Variants in CR1 observed in about 807,000 individuals in gnomAD.
CR1 encodes complement receptor type 1.
In CR1, 116 loss-of-function variants were observed where a neutral mutation model predicts 187.3. The ratio of observed to expected loss-of-function variants is 0.62; its 90% confidence interval spans 0.53 to 0.72. The LOEUF is 0.72. CR1 is among the 30% of genes least tolerant of loss of function. The pLI, the probability that CR1 is intolerant of heterozygous loss-of-function variation, is 0.00. For synonymous variants in CR1, 576 were observed against 747.1 expected, an observed-to-expected ratio of 0.77 and a Z score of 3.73; for missense variants, 1,731 against 2,110.7, an observed-to-expected ratio of 0.82 and a Z score of 3.52.
intron 4 of CR1, among the ~76,000 whole-genome samples, chr1:207,513,246 A>G (rs983244342): frequency 1.3e-5 from 2 of 152,204 alleles, no homozygotes; most frequent in Admixed American, 1.3e-4. Context: ...CAGCTCAAAT[A>G]TGCATTACAA....
At chr1:207,586,984 G>A (rs971107395) in intron 33 of CR1, among the ~76,000 whole-genome samples, 5 of 152,156 alleles carry the variant, frequency 3.3e-5, no homozygotes, top group African/African-American at 1.2e-4. Flanking sequence ...AGCTTATGAT[G>A]GGCACCCTGA....
intron 4 of CR1, among the ~76,000 whole-genome samples, chr1:207,518,578 A>G (rs1659874970): frequency 1.3e-5 from 2 of 152,218 alleles, no homozygotes; most frequent in Admixed American, 6.5e-5. Flanking sequence ...TAAGATGTCA[A>G]TAGGATTGGT....
intron 32 of CR1, among the ~76,000 whole-genome samples, 191 bp downstream of exon 32, chr1:207,582,194 TC>T (rs1450234793): frequency 2.6e-5 from 4 of 152,216 alleles, no homozygotes; most frequent in Admixed American, 2.0e-4. Flanking sequence ...TTGGGTACCA[TC>T]CTATAAATAT....
chr1:207,617,692 CTTTG>C (rs1662190372), intron 41 of CR1, among the ~76,000 whole-genome samples: 1 of 42,730 alleles, frequency 2.3e-5, no homozygotes, highest in Admixed American at 3.4e-4. Context: ...TAGCTCATTC[CTTTG>C]ATATATTAGT....
At position 207,639,957 on chromosome 1, in the gene CR1, T is replaced by C. The variant is rs1662931925; in HGVS notation, c.*548T>C. 1 of 152,822 alleles carries C rather than the reference T, an allele frequency of 6.5e-6. No homozygotes were observed. The highest frequency in any genetic ancestry group is 2.1e-4 in the South Asian group (1 of 4,864). The allele number at this position is 152,822 out of a possible 1,614,324, so 9.5% of individuals were successfully genotyped here. A position where few individuals can be genotyped will look rare whatever the true frequency, so the allele number is the denominator to read the frequency against. ...CCTTAGTTTGTTTCCTTTTATTTTA[T>C]AGAGCAGAACCCTAGTCTTTTAAAC... On this transcript the variant is annotated 3_prime_UTR_variant, in exon 47 of 47. Coordinates refer to ENST00000367049, the MANE Select transcript of CR1 (RefSeq NM_000651.6).
intron 36 of CR1, among the ~76,000 whole-genome samples, chr1:207,607,663 G>A (rs550931497): frequency 3.3e-5 from 5 of 152,192 alleles, no homozygotes; most frequent in Admixed American, 6.5e-5. Context: ...TATCTATCAG[G>A]TTACAATTCC....
intron 1 of CR1, among the ~76,000 whole-genome samples, chr1:207,498,594 G>A (rs1659161278): frequency 6.6e-6 from 1 of 152,072 alleles, no homozygotes; most frequent in Non-Finnish European, 1.5e-5. Context: ...AAACAATAAA[G>A]ATGGCTGGGG....
chr1:207,510,988 T>C (rs555461996), intron 3 of CR1, among the ~76,000 whole-genome samples: 2 of 151,940 alleles, frequency 1.3e-5, no homozygotes, highest in East Asian at 3.9e-4. Context: ...CGCCTGGCTT[T>C]TTTATAAATT....
chr1:207,621,675 T>A (rs1351897404), intron 43 of CR1, among the ~76,000 whole-genome samples: 1 of 152,212 alleles, frequency 6.6e-6, no homozygotes, highest in Non-Finnish European at 1.5e-5. Flanking sequence ...TAAGGAAATG[T>A]ACCAGAACAG....
chr1:207,624,135 AG>A (rs2102407050), intron 45 of CR1, among the ~76,000 whole-genome samples: 1 of 152,022 alleles, frequency 6.6e-6, no homozygotes, highest in East Asian at 1.9e-4. Context: ...CATCTTGGCC[AG>A]GCTGGTCTTG....
At chr1:207,507,021 G>A in intron 3 of CR1, 2 of 495,056 alleles carry the variant, frequency 4.0e-6, no homozygotes, top group Non-Finnish European at 7.2e-6. Flanking sequence ...TGGAAACCAA[G>A]GCAGAGCATA....
intron 29 of CR1, among the ~76,000 whole-genome samples, chr1:207,578,991 A>G (rs968393457): frequency 6.6e-6 from 1 of 152,178 alleles, no homozygotes; most frequent in African/African-American, 2.4e-5. Flanking sequence ...CCTACATTTT[A>G]TCCCTAGGAG....
At chr1:207,599,866 A>G (rs139352003) in intron 35 of CR1, among the ~76,000 whole-genome samples, 98 of 152,342 alleles carry the variant, frequency 6.4e-4, no homozygotes, top group Non-Finnish European at 1.0e-3. Context: ...TACATGGTAT[A>G]CTAAGTGAAT....
chr1:207,521,624 C>CTTTTT (rs139203101), intron 4 of CR1, among the ~76,000 whole-genome samples: 11 of 88,306 alleles, frequency 1.2e-4, no homozygotes, highest in Admixed American at 2.7e-4. Flanking sequence ...TGCCCTCTTC[C>CTTTTT]TTTTTTTTTT....
rs533857968 is a variant in CR1 at position 207,609,651 on chromosome 1, T to C, written c.6258T>C (p.Asn2086=). Residue 2086 remains asparagine (N), a synonymous_variant, in exon 37 of 47, where the codon AAT becomes AAC. Coordinates refer to ENST00000367049, the MANE Select transcript of CR1 (RefSeq NM_000651.6). The stretch of plus-strand genomic sequence containing the variant: ...CCCACACTGTGCAGTGCCAGACCAA[T>C]GGCAGATGGGGGCCCAAGCTGCCAC... ...VGSHTVQCQT[N]GRWGPKLPHC... is the part of the protein sequence containing the mutation. The C allele has an allele frequency of 6.3e-7, 1 of 1,598,438 alleles. No individual in the cohort carries two copies. The highest frequency in any genetic ancestry group is 1.7e-5 in the Admixed American group (1 of 58,522).
At chr1:207,582,349 C>T (rs1361334751) in intron 32 of CR1, among the ~76,000 whole-genome samples, 1 of 152,156 alleles carries the variant, frequency 6.6e-6, no homozygotes, top group Non-Finnish European at 1.5e-5. Context: ...CTCAATCATC[C>T]ATTTAGTCAT....
intron 4 of CR1, among the ~76,000 whole-genome samples, chr1:207,513,540 C>T (rs1659685553): frequency 6.6e-6 from 1 of 152,158 alleles, no homozygotes; most frequent in Non-Finnish European, 1.5e-5. Context: ...ATGGCTGTTG[C>T]TTAACTTCTG....
intron 36 of CR1, 133 bp downstream of exon 36, chr1:207,607,469 A>G: frequency 1.5e-6 from 1 of 667,728 alleles, no homozygotes; most frequent in Non-Finnish European, 2.6e-6. Flanking sequence ...CAGATGCTTC[A>G]TGGTCTTCCT....
intron 1 of CR1, among the ~76,000 whole-genome samples, chr1:207,502,756 A>G (rs1468729339): frequency 1.3e-5 from 2 of 152,268 alleles, no homozygotes; most frequent in Admixed American, 1.3e-4. Flanking sequence ...TTGCTTCAGT[A>G]GAAAGCACAG....
Sources: allele counts gnomAD v4.1 joint callset (sites outside exome capture counted in the v4.1 genomes callset), GRCh38; gene constraint gnomAD v4.1.1; transcripts MANE v1.5; gene names NCBI Gene and HGNC (gene_info 2026-07-23, HGNC 2026-07-21).